The following CUX2 variants were observed in gnomAD, a reference collection of about 807,000 sequenced individuals.
CUX2 encodes the protein homeobox protein cut-like 2.
In CUX2, 40 loss-of-function variants were observed where a neutral mutation model predicts 144.8. The ratio of observed to expected loss-of-function variants is 0.28; its 90% CI spans 0.21 to 0.36. The LOEUF (loss-of-function observed/expected upper bound fraction) is 0.36, where lower values mean the gene tolerates loss of function less well. Among genes scored for constraint, CUX2 ranks in the 10% least tolerant of loss-of-function variants. CUX2 has a pLI of 1.00. For missense variants in CUX2, 1,615 were observed against 1,994.0 expected, an observed-to-expected ratio of 0.81 and a Z score of 3.62; for synonymous variants, 827 against 875.6, an observed-to-expected ratio of 0.94 and a Z score of 0.98.
chr12:111,173,098 C>T lies in CUX2; in HGVS notation c.64-41102C>T, dbSNP rs568958290. On this transcript the variant is annotated intron_variant, in intron 1 of 21. Coordinates refer to ENST00000261726, the MANE Select transcript of CUX2 (RefSeq NM_015267.4). ...TAGGTTTTTATCTGGAAGCTGTCTG[C>T]ACAGCCAGTTGCTGTCAGGGAGAGA... Among the ~76,000 whole-genome samples the T allele has an allele frequency of 2.6e-4, 39 of 152,330 alleles. No homozygotes were observed. The South Asian group carries it at 7.9e-3, about 31-fold the overall frequency.
intron 1 of CUX2, among the ~76,000 whole-genome samples, chr12:111,046,092 C>T (rs533277815): frequency 1.6e-4 from 24 of 152,288 alleles, no homozygotes; most frequent in African/African-American, 4.3e-4. Flanking sequence ...CCCACCACAC[C>T]CTGTAAGGAC....
chr12:111,216,489 A>ACTGGATTT lies in CUX2; in HGVS notation c.175-1399_175-1392dup, dbSNP rs1432900258. ...GCATCTCAGATGATTTCACCTAAAA[A>ACTGGATTT]CTGGATTTCCGGTGCCTTTTGAGAA... On this transcript the variant is annotated intron_variant, in intron 2 of 21. Coordinates refer to ENST00000261726, the MANE Select transcript of CUX2 (RefSeq NM_015267.4). Among the ~76,000 whole-genome samples, 3 of 152,290 alleles carry ACTGGATTT rather than the reference A, an allele frequency of 2.0e-5. No individual in the cohort carries two copies. The East Asian group carries it at 5.8e-4, about 29-fold the overall frequency.
intron 1 of CUX2, among the ~76,000 whole-genome samples, chr12:111,106,337 A>T (rs1248446374): frequency 6.6e-6 from 1 of 151,648 alleles, no homozygotes; most frequent in Non-Finnish European, 1.5e-5. Context: ...TTTTATTTTT[A>T]GTAGAGATGG....
chr12:111,086,816 C>A (rs1891508727), intron 1 of CUX2, among the ~76,000 whole-genome samples: 1 of 152,100 alleles, frequency 6.6e-6, no homozygotes. Context: ...CCTGTAGTCC[C>A]AGCTACTTGG....
chr12:111,126,755 G>A (rs1352044979), intron 1 of CUX2, among the ~76,000 whole-genome samples: 1 of 152,160 alleles, frequency 6.6e-6, no homozygotes, highest in Admixed American at 6.5e-5. Context: ...CCATGACCCA[G>A]TCAAGCTGAC....
chr12:111,063,870 G>A (rs1870911230), intron 1 of CUX2, among the ~76,000 whole-genome samples: 1 of 152,186 alleles, frequency 6.6e-6, no homozygotes, highest in Admixed American at 6.5e-5. Context: ...AGTAAATATT[G>A]CTCATTGTGA....
intron 1 of CUX2, among the ~76,000 whole-genome samples, chr12:111,176,199 G>A (rs1437659633): frequency 6.6e-6 from 1 of 151,576 alleles, no homozygotes; most frequent in African/African-American, 2.4e-5. Flanking sequence ...ACACAGGTGT[G>A]CACCACACCT....
chr12:111,342,155 T>C, intron 21 of CUX2, 102 bp downstream of exon 21: 1 of 1,357,648 alleles, frequency 7.4e-7, no homozygotes, highest in Non-Finnish European at 1.0e-6. Context: ...CTCTGGGAGA[T>C]GGAAGACCCC....
chr12:111,326,249 A>G (rs1310790585), intron 18 of CUX2, among the ~76,000 whole-genome samples: 27 of 7,090 alleles, frequency 3.8e-3, no homozygotes, highest in Admixed American at 6.4e-3. Context: ...GTGGTGGGGG[A>G]GGGGTGGGTT....
At chr12:111,055,771 C>T (rs936831246) in intron 1 of CUX2, among the ~76,000 whole-genome samples, 12 of 152,232 alleles carry the variant, frequency 7.9e-5, no homozygotes. Context: ...AAGGTTGGGG[C>T]TGGCCCAGCC....
Position 111,307,459 on chromosome 12 carries a change from C to T in CUX2, c.1109+202C>T, listed in dbSNP as rs1886644702. Among the ~76,000 whole-genome samples, 1 of 152,200 alleles carries T rather than the reference C, an allele frequency of 6.6e-6. No individual in the cohort carries two copies. The highest frequency in any genetic ancestry group is 1.5e-5 in the Non-Finnish European group (1 of 68,040). ...ATCCCAACACTTTGGGAGGCCCAGG[C>T]AGGAGGATCGCTTGAGGTCAGGAGT... On this transcript the variant is annotated intron_variant, in intron 12 of 21. Transcript: ENST00000261726. The surrounding 1 kb of genome is among the most constrained non-coding windows in gnomAD (Gnocchi z 4.1).
intron 21 of CUX2, among the ~76,000 whole-genome samples, chr12:111,346,209 C>T (rs1229134556): frequency 1.0e-4 from 15 of 150,158 alleles, no homozygotes; most frequent in Non-Finnish European, 1.9e-4. Context: ...GGTGCGGTGG[C>T]TCACACCTGT....
At chr12:111,214,169 C>CTT in intron 1 of CUX2, 31 bp from the exon 2 acceptor site, 1 of 1,193,180 alleles carries the variant, frequency 8.4e-7, no homozygotes, top group South Asian at 1.5e-5. Flanking sequence ...TTTTCTCTCT[C>CTT]TCTCTTTTTT....
At chr12:111,053,863 A>T (rs1171533371) in intron 1 of CUX2, among the ~76,000 whole-genome samples, 1 of 152,174 alleles carries the variant, frequency 6.6e-6, no homozygotes, top group Non-Finnish European at 1.5e-5. Context: ...GTTACCTTTT[A>T]AAAACTCAGA....
intron 3 of CUX2, among the ~76,000 whole-genome samples, chr12:111,249,434 A>AT (rs1883451529): frequency 1.4e-5 from 1 of 69,314 alleles, no homozygotes; most frequent in Non-Finnish European, 2.8e-5. Flanking sequence ...AAATTAATAG[A>AT]CCCTTTTTTT....
intron 20 of CUX2, among the ~76,000 whole-genome samples, chr12:111,338,909 T>C (rs1171212982): frequency 6.6e-6 from 1 of 151,204 alleles, no homozygotes; most frequent in Non-Finnish European, 1.5e-5. Context: ...TTTAAAAAAG[T>C]TGGTAAATAT....
At chr12:111,261,711 G>A (rs1565878962) in intron 3 of CUX2, among the ~76,000 whole-genome samples, 2 of 152,068 alleles carry the variant, frequency 1.3e-5, no homozygotes, top group African/African-American at 4.8e-5. Flanking sequence ...GACCAGCCTG[G>A]CCAACATGGC....
At chr12:111,145,341 C>T (rs183441009) in intron 1 of CUX2, among the ~76,000 whole-genome samples, 1 of 152,274 alleles carries the variant, frequency 6.6e-6, no homozygotes, top group African/African-American at 2.4e-5. Context: ...ACTGGAAACC[C>T]AGCTAACCAG....
chr12:111,203,772 G>A (rs1011193286), intron 1 of CUX2, among the ~76,000 whole-genome samples: 42 of 152,138 alleles, frequency 2.8e-4, no homozygotes, highest in African/African-American at 9.9e-4. Flanking sequence ...GCTGTAGGAG[G>A]GTGAAAGTGC....
Sources: allele counts gnomAD v4.1 joint callset (sites outside exome capture counted in the v4.1 genomes callset), GRCh38; gene constraint gnomAD v4.1.1; non-coding constraint Gnocchi (gnomAD v3.1); transcripts MANE v1.5; gene names NCBI Gene and HGNC (gene_info 2026-07-23, HGNC 2026-07-21).